Variants in SLC28A3 observed in about 807,000 individuals in gnomAD.
The protein encoded by SLC28A3 is concentrative Na(+)-nucleoside cotransporter 3.
A neutral mutation model predicts 84.2 loss-of-function variants in SLC28A3; 68 were observed. The ratio of observed to expected loss-of-function variants is 0.81; its 90% CI spans 0.66 to 0.99. SLC28A3 has a LOEUF of 0.99. SLC28A3 is among the 50% of genes least tolerant of loss of function. The pLI is 0.00. For synonymous variants in SLC28A3, 267 were observed against 303.6 expected (o/e 0.88, Z 1.25); for missense variants, 712 against 841.5 (o/e 0.85, Z 1.90).
intron 2 of SLC28A3, chr9:84,310,407 C>T (rs765670296): frequency 3.3e-5 from 33 of 985,274 alleles, no homozygotes; most frequent in Middle Eastern, 5.2e-4. Context: ...CAGAGGATTT[C>T]CTACCTGTCT....
At chr9:84,287,177 C>A (rs1430505332) in intron 12 of SLC28A3, among the ~76,000 whole-genome samples, 2 of 138,912 alleles carry the variant, frequency 1.4e-5, no homozygotes, top group Non-Finnish European at 3.0e-5. Flanking sequence ...AACAAACAAA[C>A]AAAAAAACAA....
At position 84,292,557 on chromosome 9, in the gene SLC28A3, G is replaced by A. The variant is rs761053920; in HGVS notation, c.1023+111C>T. The A allele has an allele frequency of 9.1e-6, 7 of 770,954 alleles. No individual in the cohort carries two copies. In the South Asian group the frequency reaches 1.2e-4, roughly 14 times the overall value. 47.8% of individuals were successfully genotyped at this position (770,954 alleles called of 1,614,324 possible). A position where few individuals can be genotyped will look rare whatever the true frequency, so the allele number is the denominator to read the frequency against. On this transcript the variant is annotated intron_variant, in intron 10 of 17. Transcript: ENST00000376238. ...GCCAATACTGGGGGTTTCTTATTTTGACACCATTTTCTCTACACTAAAAGA... is the reference window on the plus strand; with the variant it reads ...GCCAATACTGGGGGTTTCTTATTTTAACACCATTTTCTCTACACTAAAAGA...
chr9:84,288,442 G>T (rs1211156215), intron 11 of SLC28A3, among the ~76,000 whole-genome samples: 1 of 152,112 alleles, frequency 6.6e-6, no homozygotes, highest in Non-Finnish European at 1.5e-5. Context: ...AAATCTGATC[G>T]TTTCAGAAAA....
intron 3 of SLC28A3, among the ~76,000 whole-genome samples, chr9:84,307,742 C>T (rs555941553): frequency 6.6e-6 from 1 of 152,328 alleles, no homozygotes; most frequent in South Asian, 2.1e-4. Context: ...CATTCACATA[C>T]TGTAGGTTGA....
intron 1 of SLC28A3, among the ~76,000 whole-genome samples, chr9:84,315,735 AC>A (rs1485021703): frequency 6.6e-6 from 1 of 152,212 alleles, no homozygotes; most frequent in East Asian, 1.9e-4. Context: ...ATTGACTGGT[AC>A]CTGGAAAATG....
In SLC28A3 at chr9:84,325,309, G is replaced by T. The variant is rs75900316; in HGVS notation, c.61-11855C>A. Among the ~76,000 whole-genome samples, 30 of 152,148 alleles carry T rather than the reference G, an allele frequency of 2.0e-4. No homozygotes were observed. The East Asian group carries it at 5.6e-3, about 28-fold the overall frequency. ...AAATAATGCTTGACATGCTAGCTTG[G>T]GGATTTATATCTTTTGTGCCCTACC... On this transcript the variant is annotated intron_variant, in intron 1 of 17. Transcript: ENST00000376238.
At chr9:84,360,025 A>T in the SLC28A3 span, among the ~76,000 whole-genome samples, 7 of 150,090 alleles carry the variant, frequency 4.7e-5, no homozygotes, top group African/African-American at 1.7e-4. Flanking sequence ...AAAAAAAAAG[A>T]AGTCTTAAGA....
At chr9:84,304,847 C>A (rs1825738758) in intron 4 of SLC28A3, among the ~76,000 whole-genome samples, 1 of 152,134 alleles carries the variant, frequency 6.6e-6, no homozygotes. Flanking sequence ...CACAGTGAAA[C>A]CCTGTCTCTA....
chr9:84,330,006 C>T (rs4242627), intron 1 of SLC28A3, among the ~76,000 whole-genome samples: 79,679 of 151,940 alleles, frequency 0.52, 21,060 homozygotes, highest in Middle Eastern at 0.6. Context: ...ATCCAATCTT[C>T]TACTGTAATG....
rs996397296 is a variant in SLC28A3, at chr9:84,338,048, C to T, written c.60+2526G>A. On this transcript the variant is annotated intron_variant, in intron 1 of 17. Transcript: ENST00000376238. ...CAGGTAATCCATAGATATGCATAAC[C>T]ATTGCACCTGCACCAGGTCTTACAG... Among the ~76,000 whole-genome samples the T allele has an allele frequency of 4.6e-5, 7 of 152,328 alleles. No individual in the cohort carries two copies. In the East Asian group the frequency reaches 1.2e-3, roughly 25 times the overall value.
intron 4 of SLC28A3, among the ~76,000 whole-genome samples, chr9:84,303,368 TA>T (rs1469606305): frequency 5.9e-5 from 9 of 152,218 alleles, no homozygotes; most frequent in Non-Finnish European, 1.2e-4. Context: ...TTGCCCAGGA[TA>T]AAGTGCAATG....
chr9:84,319,159 A>G (rs10868146), intron 1 of SLC28A3, among the ~76,000 whole-genome samples: 15,921 of 152,220 alleles, frequency 0.1, 1,107 homozygotes, highest in East Asian at 0.36. Context: ...TTCCTACTTC[A>G]GGTCACGCTG....
chr9:84,277,930 G>T lies in SLC28A3; in HGVS notation c.*288C>A. 4.2e-5 allele frequency: 15 copies of T among 360,188 alleles called. No homozygotes were observed. The highest frequency in any genetic ancestry group is 1.0e-4 in the East Asian group (2 of 19,132). The allele number at this position is 360,188 out of a possible 1,614,324, so 22.3% of individuals were successfully genotyped here. A position where few individuals can be genotyped will look rare whatever the true frequency, so the allele number is the denominator to read the frequency against. On this transcript the variant is annotated 3_prime_UTR_variant, in exon 18 of 18. Transcript: ENST00000376238. The stretch of plus-strand genomic sequence containing the variant: ...GTTTATAGCTGTATTCTGGTGAAAT[G>T]CCTTGCAAACATTAAAGTCAGAAAA...
chr9:84,344,235 G>A (rs926246723), upstream of SLC28A3, among the ~76,000 whole-genome samples: 4 of 146,396 alleles, frequency 2.7e-5, no homozygotes, highest in African/African-American at 1.0e-4. Context: ...TGTTGCCCAG[G>A]CTGGAGTGCA....
chr9:84,282,753 A>G (rs924556957), intron 14 of SLC28A3, among the ~76,000 whole-genome samples: 1 of 152,206 alleles, frequency 6.6e-6, no homozygotes, highest in Non-Finnish European at 1.5e-5. Context: ...ACGTGACTGA[A>G]GCAATACTTT....
At chr9:84,308,781 T>C (rs1825885209) in intron 3 of SLC28A3, among the ~76,000 whole-genome samples, 1 of 152,228 alleles carries the variant, frequency 6.6e-6, no homozygotes, top group African/African-American at 2.4e-5. Context: ...GACCTAATTC[T>C]CTTCCTCTCC....
rs1179822142 is a variant in SLC28A3 at position 84,298,032 on chromosome 9, A to G, written c.670-13T>C. 1 of 1,593,262 alleles carries G rather than the reference A, an allele frequency of 6.3e-7. No homozygotes were observed. Among genetic ancestry groups the G allele is most frequent in the Non-Finnish European group, 8.6e-7 (1 of 1,167,692 alleles). On this transcript the variant is annotated splice_polypyrimidine_tract_variant and intron_variant, in intron 6 of 17. Transcript: ENST00000376238. The stretch of plus-strand genomic sequence containing the variant: ...GTCTCCAGTAAACCTATACAGAAAG[A>G]TCAAGTGATATGTCTTAGTAGGAAA...
At chr9:84,284,102 G>T (rs139309752) in intron 14 of SLC28A3, among the ~76,000 whole-genome samples, 1 of 152,140 alleles carries the variant, frequency 6.6e-6, no homozygotes. Context: ...CTGCCAGAAC[G>T]CAGAGCCCGG....
intron 9 of SLC28A3, among the ~76,000 whole-genome samples, 158 bp downstream of exon 9, chr9:84,294,037 G>A (rs1825328070): frequency 6.6e-6 from 1 of 152,180 alleles, no homozygotes; most frequent in Non-Finnish European, 1.5e-5. Context: ...GACACATTTA[G>A]GATTGGAGGT....
Sources: gnomAD v4.1 joint callset for allele counts (sites outside exome capture counted in the v4.1 genomes callset) on GRCh38, gnomAD v4.1.1 for gene constraint, MANE v1.5 for transcripts, NCBI Gene and HGNC (gene_info 2026-07-23, HGNC 2026-07-21) for gene names.